The following GAA variants were observed in gnomAD, a reference collection of about 807,000 sequenced individuals.
The protein encoded by GAA is alpha glucosidase, also known as lysosomal alpha-glucosidase.
Under a neutral mutation model 103.9 loss-of-function variants are expected in GAA, and 88 were observed. The ratio of observed to expected loss-of-function variants is 0.85; its 90% CI spans 0.71 to 1.01. The LOEUF (loss-of-function observed/expected upper bound fraction) is 1.01. Ranked by LOEUF, GAA falls within the 50% of genes least tolerant of loss-of-function variation. GAA has a pLI of 0.00. For missense variants in GAA, 1,350 were observed against 1,305.3 expected, an observed-to-expected ratio of 1.03 and a Z score of -0.53; for synonymous variants, 572 against 563.1, an observed-to-expected ratio of 1.02 and a Z score of -0.22.
Position 80,106,456 on chromosome 17 carries a change from A to G in GAA, c.692+562A>G, listed in dbSNP as rs188433356. On this transcript the variant is annotated intron_variant, in intron 3 of 19. Transcript: ENST00000302262. ...CAGGGGACAGGGATGGCCTCTCTGG[A>G]AGCCAGCTGTGCAGATGTTGGGGGC... 6.9e-3 allele frequency among the ~76,000 whole-genome samples: 914 copies of G among 133,422 alleles called. 11 individuals carry two copies. The highest frequency in any genetic ancestry group is 7.5e-3 in the Non-Finnish European group (446 of 59,826). 87.5% of individuals were successfully genotyped at this position (133,422 alleles called of 152,430 possible). A position where few individuals can be genotyped will look rare whatever the true frequency, so the allele number is the denominator to read the frequency against.
At chr17:80,102,679 T>A (rs901080844) in intron 1 of GAA, 21 of 152,368 alleles carry the variant, frequency 1.4e-4, no homozygotes, top group African/African-American at 5.1e-4. Context: ...TACGCATCTC[T>A]TCCATACGGC....
At position 80,119,344 on chromosome 17, in the gene GAA, T is replaced by G; in HGVS notation, c.*13T>G. 3 of 1,611,516 alleles carry G rather than the reference T, an allele frequency of 1.9e-6. No homozygotes were observed. Among genetic ancestry groups the G allele is most frequent in the Admixed American group, 3.3e-5 (2 of 60,012 alleles). The stretch of plus-strand genomic sequence containing the variant: ...CAGCTGGTGTTAGCCGGGCGGAGTG[T>G]GTTAGTCTCTCCAGAGGGAGGCTGG... On this transcript the variant is annotated 3_prime_UTR_variant, in exon 20 of 20. Coordinates refer to ENST00000302262, the MANE Select transcript of GAA (RefSeq NM_000152.5).
intron 8 of GAA, 60 bp downstream of exon 8, chr17:80,108,888 T>C: frequency 6.5e-7 from 1 of 1,533,590 alleles, no homozygotes; most frequent in Non-Finnish European, 8.8e-7. Context: ...CAGTGGCTCC[T>C]TCTCTGTGCA....
chr17:80,112,992 C>A lies in GAA; in HGVS notation c.2005C>A (p.Pro669Thr), dbSNP rs752507985. ...VRWTQLGAFY[P>T]FMRNHNSLLS... ...CTGGACCCAGCTGGGGGCCTTCTAC[C>A]CCTTCATGCGGAACCACAACAGCCT... Residue 669 changes from proline to threonine, a missense_variant, in exon 14 of 20, where the codon CCC (proline) becomes ACC (threonine). Pro to Thr is a conservative substitution (Grantham distance 38, BLOSUM62 -1). Transcript: ENST00000302262. 4.3e-6 allele frequency: 7 copies of A among 1,610,970 alleles called. No individual in the cohort carries two copies. In the East Asian group the frequency reaches 1.6e-4, roughly 36 times the overall value.
intron 12 of GAA, 150 bp downstream of exon 12, chr17:80,112,250 C>G (rs2143885375): frequency 2.6e-6 from 2 of 764,266 alleles, no homozygotes; most frequent in East Asian, 5.3e-5. Flanking sequence ...CACCCGCTGC[C>G]TGCACCCCAG....
At position 80,104,075 on chromosome 17, in the gene GAA, G is replaced by A. The variant is rs990820416; in HGVS notation, c.-32-480G>A. On this transcript the variant is annotated intron_variant, in intron 1 of 19. Coordinates refer to ENST00000302262, the MANE Select transcript of GAA (RefSeq NM_000152.5). The surrounding 1 kb of genome is among the most constrained non-coding windows in gnomAD (Gnocchi z 4.0). ...GCTCAGGAGTTCGAGACCAGCCTGG[G>A]TAACATGGCAAAATCCCGTCTCTAC... Among the ~76,000 whole-genome samples the A allele has an allele frequency of 5.3e-5, 8 of 152,140 alleles. No individual in the cohort carries two copies. Among genetic ancestry groups the A allele is most frequent in the Non-Finnish European group, 8.8e-5 (6 of 68,018 alleles).
intron 19 of GAA, 122 bp from the exon 20 acceptor site, chr17:80,119,150 C>T: frequency 2.0e-6 from 2 of 1,017,406 alleles, no homozygotes; most frequent in African/African-American, 1.6e-5. Flanking sequence ...CGGAGCTGCC[C>T]CCTGAGCGCC....
At chr17:80,109,737 G>A (rs949005507) in intron 8 of GAA, among the ~76,000 whole-genome samples, 3 of 152,168 alleles carry the variant, frequency 2.0e-5, no homozygotes, top group Admixed American at 1.3e-4. Context: ...ATTCCGGCGC[G>A]CCCCTCATCA....
chr17:80,105,773 T>C lies in GAA; in HGVS notation c.571T>C (p.Tyr191His), dbSNP rs149295512. 1 of 1,612,408 alleles carries C rather than the reference T, an allele frequency of 6.2e-7. No individual in the cohort carries two copies. Among genetic ancestry groups the C allele is most frequent in the Non-Finnish European group, 8.5e-7 (1 of 1,179,968 alleles). The change falls in exon 3 of 20, where the codon TAC becomes CAC. Residue 191 changes from tyrosine (Y) to histidine (H), a missense_variant. Tyr to His is a moderately conservative substitution (Grantham distance 83). Coordinates refer to ENST00000302262, the MANE Select transcript of GAA (RefSeq NM_000152.5). ...GATCAAAGATCCAGCTAACAGGCGC[T>C]ACGAGGTGCCCTTGGAGACCCCGCA... ...FTIKDPANRRYEVPLETPHVH... is the reference protein window; with the variant it reads ...FTIKDPANRRHEVPLETPHVH...
At chr17:80,102,966 A>G (rs576254897) in intron 1 of GAA, among the ~76,000 whole-genome samples, 1 of 152,212 alleles carries the variant, frequency 6.6e-6, no homozygotes, top group Non-Finnish European at 1.5e-5. Flanking sequence ...TGCAGAATTG[A>G]TGGGTGTGAG....
chr17:80,111,151 G>GA lies in GAA; in HGVS notation c.1636+127dup, dbSNP rs2039229598. On this transcript the variant is annotated intron_variant, in intron 11 of 19. Coordinates refer to ENST00000302262, the MANE Select transcript of GAA (RefSeq NM_000152.5). ...CCAGCGGGGAAAGGGGCGGGGGGGG[G>GA]ATCCCCAGGAGAAAGGCTCAGGCTG... 27 of 844,730 alleles carry GA rather than the reference G, an allele frequency of 3.2e-5. No individual in the cohort carries two copies. In the South Asian group the frequency reaches 4.2e-4, roughly 13 times the overall value. The allele number at this position is 844,730 out of a possible 1,614,324, so 52.3% of individuals were successfully genotyped here. A position where few individuals can be genotyped will look rare whatever the true frequency, so the allele number is the denominator to read the frequency against.
intron 19 of GAA, 87 bp downstream of exon 19, chr17:80,118,892 C>G: frequency 2.0e-6 from 3 of 1,500,746 alleles, no homozygotes; most frequent in Admixed American, 1.8e-5. Flanking sequence ...GTGACCGATG[C>G]CAGGAACAGA....
In GAA at chr17:80,106,971, G is replaced by A. The variant is rs112308142; in HGVS notation, c.693-586G>A. On this transcript the variant is annotated intron_variant, in intron 3 of 19. Transcript: ENST00000302262. Reference sequence around the variant, plus strand: ...GATCTCGGTCTTGAAAGCACTCAGCGTAGTCTTGCCCAGGGGAGGGTGGGT... The same window carrying A: ...GATCTCGGTCTTGAAAGCACTCAGCATAGTCTTGCCCAGGGGAGGGTGGGT... Among the ~76,000 whole-genome samples the A allele has an allele frequency of 0.029, 4,342 of 152,262 alleles. 188 individuals carry two copies. Among genetic ancestry groups the A allele is most frequent in the African/African-American group, 0.095 (3,933 of 41,546 alleles).
chr17:80,103,041 C>T (rs368240244), intron 1 of GAA, among the ~76,000 whole-genome samples: 42 of 152,332 alleles, frequency 2.8e-4, no homozygotes, highest in African/African-American at 9.4e-4. Context: ...CCCAGAGAGC[C>T]CTAATTTACC....
Position 80,108,357 on chromosome 17 carries a change from C to T in GAA, c.1023C>T (p.Ile341=). 6.2e-7 allele frequency: 1 copy of T among 1,613,682 alleles called. No homozygotes were observed. The highest frequency in any genetic ancestry group is 8.5e-7 in the Non-Finnish European group (1 of 1,180,034). Residue 341 remains isoleucine (I), a synonymous_variant, in exon 6 of 20, where the codon ATC becomes ATT. Coordinates refer to ENST00000302262, the MANE Select transcript of GAA (RefSeq NM_000152.5). ...RSTGGILDVY[I]FLGPEPKSVV... ...CAGGTGGGATCCTGGATGTCTACAT[C>T]TTCCTGGGCCCAGAGCCCAAGAGCG...
Position 80,119,550 on chromosome 17 carries a change from G to A in GAA, c.*219G>A, listed in dbSNP as rs1216535924. 8.6e-6 allele frequency: 5 copies of A among 583,862 alleles called. No homozygotes were observed. The East Asian group carries it at 1.5e-4, about 18-fold the overall frequency. The allele number at this position is 583,862 out of a possible 1,614,324, so 36.2% of individuals were successfully genotyped here. ...GAGCTTTCTCCCTAGATCGCACTGT[G>A]GGCCGGGGCCCTGGAGGGCTGCTCT... On this transcript the variant is annotated 3_prime_UTR_variant, in exon 20 of 20. Coordinates refer to ENST00000302262, the MANE Select transcript of GAA (RefSeq NM_000152.5).
At chr17:80,102,686 C>A (rs755727154) in intron 1 of GAA, 1 of 152,260 alleles carries the variant, frequency 6.6e-6, no homozygotes, top group Non-Finnish European at 1.5e-5. Flanking sequence ...CTCTTCCATA[C>A]GGCTGTCTGA....
chr17:80,111,437 G>A (rs989574573), intron 11 of GAA, among the ~76,000 whole-genome samples: 1 of 152,204 alleles, frequency 6.6e-6, no homozygotes. Flanking sequence ...GAAGAAGCAT[G>A]GGGGTCAGGG....
chr17:80,105,043 A>G lies in GAA; in HGVS notation c.457A>G (p.Thr153Ala). ...SSEMGYTATL[T>A]RTTPTFFPKD... ...TGAAATGGGCTACACGGCCACCCTGACCCGTACCACCCCCACCTTCTTCCC... is the reference window on the plus strand; with the variant it reads ...TGAAATGGGCTACACGGCCACCCTGGCCCGTACCACCCCCACCTTCTTCCC... The change falls in exon 2 of 20, where the codon ACC becomes GCC. Residue 153 changes from threonine to alanine, a missense_variant. Coordinates refer to ENST00000302262, the MANE Select transcript of GAA (RefSeq NM_000152.5). The G allele has an allele frequency of 1.2e-6, 2 of 1,612,730 alleles. No homozygotes were observed. Among genetic ancestry groups the G allele is most frequent in the Non-Finnish European group, 1.7e-6 (2 of 1,179,978 alleles).
Sources: allele counts gnomAD v4.1 joint callset (sites outside exome capture counted in the v4.1 genomes callset), GRCh38; gene constraint gnomAD v4.1.1; non-coding constraint Gnocchi (gnomAD v3.1); transcripts MANE v1.5; gene names NCBI Gene and HGNC (gene_info 2026-07-23, HGNC 2026-07-21).